The following SLC6A20 variants were observed in gnomAD, a reference collection of about 807,000 sequenced individuals.
SLC6A20 encodes the protein solute carrier family 6 member 20.
In SLC6A20, 73 loss-of-function variants were observed where a neutral mutation model predicts 64.3. That is an observed-to-expected ratio of 1.14 (90% CI 0.94 to 1.38). The LOEUF is 1.38. Among genes scored for constraint, SLC6A20 ranks in the 40% most tolerant of loss-of-function variants. SLC6A20 has a pLI of 0.00. For synonymous variants in SLC6A20, 347 were observed against 329.6 expected, an observed-to-expected ratio of 1.05 and a Z score of -0.57; for missense variants, 725 against 772.8, an observed-to-expected ratio of 0.94 and a Z score of 0.73.
chr3:45,791,614 A>G (rs1486058916), intron 1 of SLC6A20: 1 of 152,728 alleles, frequency 6.5e-6, no homozygotes, highest in African/African-American at 2.4e-5. Context: ...TATAAAGGAA[A>G]GAAGTTTAAT....
chr3:45,788,327 G>A (rs1271081794), intron 1 of SLC6A20, among the ~76,000 whole-genome samples: 2 of 151,988 alleles, frequency 1.3e-5, no homozygotes, highest in African/African-American at 2.4e-5. Context: ...ATAAAGAGAT[G>A]GAGATTACAA....
chr3:45,786,902 C>T (rs757978229), intron 1 of SLC6A20, among the ~76,000 whole-genome samples: 18 of 152,236 alleles, frequency 1.2e-4, no homozygotes, highest in Non-Finnish European at 2.2e-4. Context: ...GGGACGCTTA[C>T]AGTCACAGAA....
rs1374624485 is a variant in SLC6A20, at chr3:45,759,137, G to C, written c.1630-10C>G. 1.2e-6 allele frequency: 2 copies of C among 1,605,614 alleles called. No homozygotes were observed. Among genetic ancestry groups the C allele is most frequent in the Non-Finnish European group, 1.7e-6 (2 of 1,176,544 alleles). ...TGGTCACGAGCTGGCCCTGAAAGGAGAGACTGAGTGTCAGCAGAGAGCACC... is the reference window on the plus strand; with the variant it reads ...TGGTCACGAGCTGGCCCTGAAAGGACAGACTGAGTGTCAGCAGAGAGCACC... On this transcript the variant is annotated splice_polypyrimidine_tract_variant and intron_variant, in intron 10 of 10. Coordinates refer to ENST00000358525, the MANE Select transcript of SLC6A20 (RefSeq NM_020208.4).
chr3:45,789,910 G>A lies in SLC6A20; in HGVS notation c.121+6389C>T, dbSNP rs373022125. Among the ~76,000 whole-genome samples the A allele has an allele frequency of 3.3e-5, 5 of 152,148 alleles. No individual in the cohort carries two copies. In the South Asian group the frequency reaches 6.2e-4, roughly 19 times the overall value. ...CCCGGCCCTTTTACACAATTTCTAC[G>A]ATGAACACTCATTACATTTATAACC... is the stretch of plus-strand genomic sequence containing the variant. On this transcript the variant is annotated intron_variant, in intron 1 of 10. Coordinates refer to ENST00000358525, the MANE Select transcript of SLC6A20 (RefSeq NM_020208.4).
rs547063889 is a variant in SLC6A20, at chr3:45,757,338, T to C, written c.*1640A>G. On this transcript the variant is annotated 3_prime_UTR_variant, in exon 11 of 11. Transcript: ENST00000358525. ...TCGGGCTGGGGGACAGTCAGGTCTT[T>C]CCCTTCCCATGAGGCCATATCTCAG... 6.6e-6 allele frequency: 1 copy of C among 152,162 alleles called. No homozygotes were observed. Among genetic ancestry groups the C allele is most frequent in the East Asian group, 1.9e-4 (1 of 5,164 alleles). The allele number at this position is 152,162 out of a possible 1,614,324, so 9.4% of individuals were successfully genotyped here.
At chr3:45,760,847 G>A (rs1699664009) in intron 9 of SLC6A20, among the ~76,000 whole-genome samples, 2 of 152,252 alleles carry the variant, frequency 1.3e-5, no homozygotes, top group Admixed American at 1.3e-4. Flanking sequence ...AAGGCCCAGG[G>A]CTGCGATGCC....
intron 8 of SLC6A20, among the ~76,000 whole-genome samples, chr3:45,764,610 G>A (rs1482216224): frequency 1.3e-5 from 2 of 151,150 alleles, no homozygotes; most frequent in African/African-American, 2.4e-5. Context: ...GATGAGGCAC[G>A]AGAATAGCTT....
chr3:45,794,104 G>A (rs1478443997), intron 1 of SLC6A20, among the ~76,000 whole-genome samples: 1 of 152,232 alleles, frequency 6.6e-6, no homozygotes, highest in African/African-American at 2.4e-5. Flanking sequence ...AGTGAGGAGA[G>A]TCAGAGAGCA....
At chr3:45,777,291 T>C (rs766102146) in intron 3 of SLC6A20, among the ~76,000 whole-genome samples, 14 of 152,092 alleles carry the variant, frequency 9.2e-5, no homozygotes, top group Non-Finnish European at 1.6e-4. Flanking sequence ...CTCAGGACTG[T>C]CCTGGTGAGG....
chr3:45,792,878 G>C (rs146573676), intron 1 of SLC6A20, among the ~76,000 whole-genome samples: 1 of 152,106 alleles, frequency 6.6e-6, no homozygotes, highest in Non-Finnish European at 1.5e-5. Context: ...CCCTACTGCC[G>C]GGCCTGGGGC....
chr3:45,788,666 T>C (rs1382451929), intron 1 of SLC6A20, among the ~76,000 whole-genome samples: 1 of 152,208 alleles, frequency 6.6e-6, no homozygotes, highest in Non-Finnish European at 1.5e-5. Context: ...GCTGCAGAGT[T>C]CTCCTTTGCA....
intron 10 of SLC6A20, among the ~76,000 whole-genome samples, 159 bp downstream of exon 10, chr3:45,759,698 G>A (rs752822492): frequency 6.6e-6 from 1 of 152,186 alleles, no homozygotes; most frequent in Non-Finnish European, 1.5e-5. Flanking sequence ...CAGCTCCTCC[G>A]TGCTGGACTA....
At chr3:45,769,373 A>G (rs1427832274) in intron 7 of SLC6A20, among the ~76,000 whole-genome samples, 1 of 152,118 alleles carries the variant, frequency 6.6e-6, no homozygotes, top group African/African-American at 2.4e-5. Context: ...AATGAAACTT[A>G]TCAAACTGAT....
Position 45,796,464 on chromosome 3 carries a change from C to T in SLC6A20, c.-45G>A, listed in dbSNP as rs373219947. 3 of 1,583,468 alleles carry T rather than the reference C, an allele frequency of 1.9e-6. No individual in the cohort carries two copies. Among genetic ancestry groups the T allele is most frequent in the Non-Finnish European group, 2.6e-6 (3 of 1,165,056 alleles). On this transcript the variant is annotated 5_prime_UTR_variant, in exon 1 of 11. The change creates a new upstream start codon in the 5' untranslated region. Transcript: ENST00000358525. ...TCGGCTCCGGCTCGGGGGTCCGGCA[C>T]GGCAGTCTCAGTGCGCGGTCGCCAG...
intron 7 of SLC6A20, among the ~76,000 whole-genome samples, chr3:45,766,932 G>A (rs1178605639): frequency 6.6e-6 from 1 of 152,238 alleles, no homozygotes; most frequent in African/African-American, 2.4e-5. Context: ...GAGCTCAGGA[G>A]TTTGAGATCA....
chr3:45,783,508 G>A (rs1402737977), intron 1 of SLC6A20, among the ~76,000 whole-genome samples: 1 of 152,206 alleles, frequency 6.6e-6, no homozygotes, highest in Non-Finnish European at 1.5e-5. Flanking sequence ...GCTGCATGAT[G>A]TTCTGCTCTG....
chr3:45,791,044 C>T (rs1467823281), intron 1 of SLC6A20, among the ~76,000 whole-genome samples: 2 of 152,218 alleles, frequency 1.3e-5, no homozygotes, highest in African/African-American at 4.8e-5. Flanking sequence ...TGCTGGAAGG[C>T]TTTCTAGATC....
chr3:45,770,562 CA>C lies in SLC6A20; in HGVS notation c.936-192del, dbSNP rs538727530. 4.8e-3 allele frequency among the ~76,000 whole-genome samples: 726 copies of C among 152,264 alleles called. 3 individuals are homozygous for C. Among genetic ancestry groups the C allele is most frequent in the Non-Finnish European group, 8.5e-3 (575 of 68,020 alleles). On this transcript the variant is annotated intron_variant, in intron 6 of 10. Transcript: ENST00000358525. ...TATGAACAGTGATGACAACAGGCAC[CA>C]AACTCACACAGCTAGGCTATTTTAA... is the stretch of plus-strand genomic sequence containing the variant.
intron 9 of SLC6A20, 97 bp downstream of exon 9, chr3:45,762,816 G>T: frequency 6.7e-7 from 1 of 1,484,580 alleles, no homozygotes; most frequent in South Asian, 1.2e-5. Flanking sequence ...TAAAGAAGAG[G>T]TGAAGATGTG....
Sources: gnomAD v4.1 joint callset for allele counts (sites outside exome capture counted in the v4.1 genomes callset) on GRCh38, gnomAD v4.1.1 for gene constraint, MANE v1.5 for transcripts, NCBI Gene and HGNC (gene_info 2026-07-23, HGNC 2026-07-21) for gene names.